ZMAT4: variants seen among roughly 807,000 people sequenced by gnomAD.
The protein encoded by ZMAT4 is zinc finger matrin-type 4.
In ZMAT4, 17 loss-of-function variants were observed where a neutral mutation model predicts 28.7. That is an observed-to-expected ratio of 0.59 (90% confidence interval 0.41 to 0.89). The LOEUF (loss-of-function observed/expected upper bound fraction) is 0.89. Among genes scored for constraint, ZMAT4 ranks in the 40% least tolerant of loss-of-function variants. The probability of loss-of-function intolerance (pLI) is 0.00; values close to 1 mark genes in which losing one functional copy is unlikely to be tolerated. For synonymous variants in ZMAT4, 117 were observed against 109.2 expected, an observed-to-expected ratio of 1.07 and a Z score of -0.44; for missense variants, 240 against 283.8, an observed-to-expected ratio of 0.85 and a Z score of 1.11.
At position 40,764,269 on chromosome 8, in the gene ZMAT4, A is replaced by G. The variant is rs2150558698; in HGVS notation, c.192+3372T>C. Among the ~76,000 whole-genome samples, 3 of 152,320 alleles carry G rather than the reference A, an allele frequency of 2.0e-5. No homozygotes were observed. In the East Asian group the frequency reaches 5.8e-4, roughly 29 times the overall value. On this transcript the variant is annotated intron_variant, in intron 3 of 6. Coordinates refer to ENST00000297737, the MANE Select transcript of ZMAT4 (RefSeq NM_024645.3). ...GGAAAAATGTCTTCCAGGGGGAAAA[A>G]AAATGTAAGATCCGAGTAAGGATTC...
chr8:40,723,731 A>G (rs1279901396), intron 3 of ZMAT4, among the ~76,000 whole-genome samples: 8 of 152,170 alleles, frequency 5.3e-5, no homozygotes, highest in Admixed American at 5.2e-4. Context: ...ATATTTATAA[A>G]TCAACCATTG....
chr8:40,835,102 T>C (rs1586140164), intron 1 of ZMAT4, among the ~76,000 whole-genome samples: 1 of 152,198 alleles, frequency 6.6e-6, no homozygotes, highest in East Asian at 1.9e-4. Context: ...AAGCATCTGC[T>C]TTCTCTTTCT....
intron 5 of ZMAT4, among the ~76,000 whole-genome samples, chr8:40,667,128 A>C (rs533132018): frequency 2.0e-5 from 3 of 151,902 alleles, no homozygotes; most frequent in South Asian, 4.2e-4. Flanking sequence ...ACTGGCCCGC[A>C]ATAATTTCTT....
chr8:40,581,196 C>T lies in ZMAT4; in HGVS notation c.643G>A (p.Ala215Thr). The T allele has an allele frequency of 6.2e-7, 1 of 1,613,360 alleles. No homozygotes were observed. The highest frequency in any genetic ancestry group is 8.5e-7 in the Non-Finnish European group (1 of 1,179,482). Residue 215 changes from alanine (A) to threonine (T), a missense_variant, in exon 6 of 7, where the codon GCC (alanine) becomes ACC (threonine). Transcript: ENST00000297737. Reference sequence around the variant, plus strand: ...TGGTGTTTAGATCCTTTCAGATGGGCATGATACTGTTCTATTGAGTTTAGG... The same window carrying T: ...TGGTGTTTAGATCCTTTCAGATGGGTATGATACTGTTCTATTGAGTTTAGG... Reference protein sequence around the residue: ...VSLNSIEQYHAHLKGSKHQTN... With the variant: ...VSLNSIEQYHTHLKGSKHQTN...
intron 3 of ZMAT4, among the ~76,000 whole-genome samples, chr8:40,700,166 G>T (rs1039883750): frequency 6.6e-6 from 1 of 152,080 alleles, no homozygotes; most frequent in East Asian, 1.9e-4. Context: ...AATTGGAGAA[G>T]TAGACAGAAA....
chr8:40,854,255 C>T (rs1817217589), intron 1 of ZMAT4, among the ~76,000 whole-genome samples: 1 of 152,144 alleles, frequency 6.6e-6, no homozygotes, highest in South Asian at 2.1e-4. Flanking sequence ...ACCTTATGTT[C>T]TGAACCACCA....
chr8:40,878,598 A>G (rs978969506), intron 1 of ZMAT4, among the ~76,000 whole-genome samples: 3 of 152,244 alleles, frequency 2.0e-5, no homozygotes, highest in African/African-American at 7.2e-5. Context: ...AAGACCTGAC[A>G]TGCTACATAT....
chr8:40,875,885 C>T (rs1818025703), intron 1 of ZMAT4, among the ~76,000 whole-genome samples: 1 of 152,094 alleles, frequency 6.6e-6, no homozygotes, highest in African/African-American at 2.4e-5. Flanking sequence ...GAGCTCTGTA[C>T]CAAGGGGAGG....
intron 5 of ZMAT4, among the ~76,000 whole-genome samples, chr8:40,592,028 T>C (rs1260523907): frequency 6.6e-6 from 1 of 152,176 alleles, no homozygotes; most frequent in Non-Finnish European, 1.5e-5. Flanking sequence ...TTCTTTTGTT[T>C]GTTTGTTTTA....
At chr8:40,568,804 A>ACAT (rs1297583822) in intron 6 of ZMAT4, among the ~76,000 whole-genome samples, 3 of 152,094 alleles carry the variant, frequency 2.0e-5, no homozygotes, top group African/African-American at 7.2e-5. Flanking sequence ...TTCCCAATAC[A>ACAT]CATTACTGCA....
chr8:40,721,125 C>T (rs1475175654), intron 3 of ZMAT4, among the ~76,000 whole-genome samples: 3 of 115,914 alleles, frequency 2.6e-5, no homozygotes, highest in Admixed American at 9.6e-5. Context: ...CTATCCCTCC[C>T]CCCTCCCCCC....
At chr8:40,547,732 C>T (rs1031339049) in intron 6 of ZMAT4, among the ~76,000 whole-genome samples, 3 of 152,180 alleles carry the variant, frequency 2.0e-5, no homozygotes, top group African/African-American at 7.2e-5. Context: ...CTGTCATCTA[C>T]ATTAGGTATT....
At chr8:40,554,307 C>T (rs1803455623) in intron 6 of ZMAT4, among the ~76,000 whole-genome samples, 1 of 151,946 alleles carries the variant, frequency 6.6e-6, no homozygotes, top group African/African-American at 2.4e-5. Context: ...TAACTACAAA[C>T]CAACCATTGT....
intron 2 of ZMAT4, among the ~76,000 whole-genome samples, chr8:40,786,518 A>G (rs749380419): frequency 1.1e-4 from 16 of 152,066 alleles, no homozygotes; most frequent in African/African-American, 1.4e-4. Context: ...GTCAAAATAT[A>G]CCTCCTTAAG....
chr8:40,714,207 C>T (rs1188957506), intron 3 of ZMAT4, among the ~76,000 whole-genome samples: 2 of 152,102 alleles, frequency 1.3e-5, no homozygotes, highest in African/African-American at 4.8e-5. Context: ...AAGGTACACT[C>T]TTCTTGACCC....
intron 5 of ZMAT4, among the ~76,000 whole-genome samples, chr8:40,601,692 GAAAGAAAGAAAGA>G (rs1416908543): frequency 1.6e-4 from 5 of 30,496 alleles, no homozygotes; most frequent in African/African-American, 5.2e-4. Context: ...AAGAAAGAAA[GAAAGAAAGAAAGA>G]AAAGAAAGAA....
intron 1 of ZMAT4, among the ~76,000 whole-genome samples, chr8:40,875,750 G>A (rs760935532): frequency 7.2e-5 from 11 of 152,062 alleles, no homozygotes; most frequent in Non-Finnish European, 1.5e-4. Flanking sequence ...CACAGTGCCC[G>A]GGCCGGTCAG....
At chr8:40,668,908 C>T (rs573333441) in intron 5 of ZMAT4, among the ~76,000 whole-genome samples, 111 of 151,806 alleles carry the variant, frequency 7.3e-4, no homozygotes, top group Non-Finnish European at 2.2e-4. Flanking sequence ...GGACAATGCC[C>T]TTGACTACCC....
At chr8:40,875,851 G>C (rs1417786035) in intron 1 of ZMAT4, among the ~76,000 whole-genome samples, 1 of 152,196 alleles carries the variant, frequency 6.6e-6, no homozygotes, top group Non-Finnish European at 1.5e-5. Flanking sequence ...CCTTGTAGGT[G>C]TCCACGATTG....
Sources: gnomAD v4.1 joint callset for allele counts (sites outside exome capture counted in the v4.1 genomes callset) on GRCh38, gnomAD v4.1.1 for gene constraint, MANE v1.5 for transcripts, NCBI Gene and HGNC (gene_info 2026-07-23, HGNC 2026-07-21) for gene names.